MCTP1: variants seen among roughly 807,000 people sequenced by gnomAD.
The protein encoded by MCTP1 is multiple C2 and transmembrane domain containing 1.
MCTP1 carries 69 observed loss-of-function variants against 120.6 expected under a neutral mutation model. The observed-to-expected ratio is 0.57, with a 90% CI of 0.47 to 0.70. The LOEUF is 0.70. Among genes scored for constraint, MCTP1 ranks in the 30% least tolerant of loss-of-function variants. MCTP1 has a pLI of 0.00. For missense variants in MCTP1, 1,203 were observed against 1,248.8 expected, an observed-to-expected ratio of 0.96 and a Z score of 0.55; for synonymous variants, 529 against 493.1, an observed-to-expected ratio of 1.07 and a Z score of -0.96.
chr5:95,248,158 G>A (rs1757010472), intron 1 of MCTP1, among the ~76,000 whole-genome samples: 2 of 152,100 alleles, frequency 1.3e-5, no homozygotes, highest in Admixed American at 1.3e-4. Context: ...ACATAGTATT[G>A]GAAGTTCTGG....
At chr5:95,105,358 A>T (rs1757007796) in intron 1 of MCTP1, among the ~76,000 whole-genome samples, 2 of 151,952 alleles carry the variant, frequency 1.3e-5, no homozygotes, top group Non-Finnish European at 2.9e-5. Flanking sequence ...TTGTAAGGAG[A>T]CTCCAGAATA....
intron 19 of MCTP1, among the ~76,000 whole-genome samples, chr5:94,771,849 C>T (rs1774153310): frequency 6.6e-6 from 1 of 152,142 alleles, no homozygotes. Flanking sequence ...TCTTACCATT[C>T]CATAGGTCAG....
intron 1 of MCTP1, among the ~76,000 whole-genome samples, chr5:95,218,334 T>C (rs1159781314): frequency 6.6e-6 from 1 of 152,194 alleles, no homozygotes; most frequent in East Asian, 1.9e-4. Context: ...TTCAGGCCCA[T>C]AACAAGAGAA....
At chr5:94,886,362 G>C (rs2153378908) in intron 12 of MCTP1, among the ~76,000 whole-genome samples, 1 of 152,250 alleles carries the variant, frequency 6.6e-6, no homozygotes, top group African/African-American at 2.4e-5. Flanking sequence ...AAAGACTATA[G>C]AATCTTTCTT....
At position 95,166,495 on chromosome 5, in the gene MCTP1, CT is replaced by C. The variant is rs1436116221; in HGVS notation, c.720+117360del. Among the ~76,000 whole-genome samples, 5 of 151,950 alleles carry C rather than the reference CT, an allele frequency of 3.3e-5. No individual in the cohort carries two copies. The East Asian group carries it at 5.8e-4, about 18-fold the overall frequency. Reference sequence around the variant, plus strand: ...AAAAGCCACTCCATAATTCATATTACTTTTTTTCTACTTGAAATTGTGAATA... The same window carrying C: ...AAAAGCCACTCCATAATTCATATTACTTTTTTCTACTTGAAATTGTGAATA... On this transcript the variant is annotated intron_variant, in intron 1 of 22. Transcript: ENST00000515393.
At chr5:95,213,236 C>A (rs1305643150) in intron 1 of MCTP1, among the ~76,000 whole-genome samples, 2 of 152,056 alleles carry the variant, frequency 1.3e-5, no homozygotes, top group African/African-American at 4.8e-5. Context: ...AACAGAGAGC[C>A]AAATCATGAG....
intron 19 of MCTP1, among the ~76,000 whole-genome samples, chr5:94,741,550 C>T (rs1765538329): frequency 6.6e-6 from 1 of 152,172 alleles, no homozygotes; most frequent in African/African-American, 2.4e-5. Flanking sequence ...AGGAAACAGG[C>T]AAGCTCCAGG....
intron 19 of MCTP1, among the ~76,000 whole-genome samples, chr5:94,734,815 T>G (rs1763852295): frequency 6.6e-6 from 1 of 151,928 alleles, no homozygotes; most frequent in Admixed American, 6.6e-5. Context: ...ATTTCCATGC[T>G]TTTTTTTCTT....
intron 1 of MCTP1, among the ~76,000 whole-genome samples, chr5:95,076,532 A>T (rs1753617655): frequency 6.6e-6 from 1 of 151,910 alleles, no homozygotes; most frequent in South Asian, 2.1e-4. Flanking sequence ...TCCTTCATTG[A>T]CGAATGTTGA....
chr5:95,232,307 G>A (rs944982156), intron 1 of MCTP1, among the ~76,000 whole-genome samples: 5 of 151,670 alleles, frequency 3.3e-5, no homozygotes, highest in Non-Finnish European at 4.4e-5. Flanking sequence ...AAACAAATAG[G>A]ATAATGATGA....
At chr5:94,717,277 C>T (rs193220686) in intron 19 of MCTP1, among the ~76,000 whole-genome samples, 52 of 152,090 alleles carry the variant, frequency 3.4e-4, no homozygotes, top group Admixed American at 2.0e-3. Flanking sequence ...ACAAAAATCA[C>T]GATTATTTCA....
chr5:94,991,253 C>A (rs1230609107), intron 2 of MCTP1, among the ~76,000 whole-genome samples: 1 of 152,092 alleles, frequency 6.6e-6, no homozygotes, highest in East Asian at 1.9e-4. Context: ...CAATGATGTT[C>A]TATTTGAGAT....
chr5:94,959,724 G>A (rs1383076647), intron 2 of MCTP1, among the ~76,000 whole-genome samples: 1 of 152,000 alleles, frequency 6.6e-6, no homozygotes, highest in Non-Finnish European at 1.5e-5. Context: ...GATGTGAAGG[G>A]TGTCTTCAAA....
chr5:94,916,806 T>C (rs1319534922), intron 8 of MCTP1, among the ~76,000 whole-genome samples: 1 of 152,220 alleles, frequency 6.6e-6, no homozygotes, highest in Non-Finnish European at 1.5e-5. Flanking sequence ...TCAGAAACTC[T>C]GGGAGTGGAG....
intron 16 of MCTP1, among the ~76,000 whole-genome samples, chr5:94,869,886 TA>T (rs1329266317): frequency 1.3e-5 from 2 of 152,096 alleles, no homozygotes; most frequent in Non-Finnish European, 1.5e-5. Context: ...CTAAAAATAA[TA>T]AAAGTTTACT....
At chr5:95,223,436 G>A (rs574284805) in intron 1 of MCTP1, among the ~76,000 whole-genome samples, 76 of 152,190 alleles carry the variant, frequency 5.0e-4, no homozygotes, top group African/African-American at 1.7e-3. Flanking sequence ...GGGCATCAGA[G>A]TGAGATTCTG....
intron 17 of MCTP1, among the ~76,000 whole-genome samples, chr5:94,865,078 C>A (rs2153266691): frequency 6.6e-6 from 1 of 151,928 alleles, no homozygotes; most frequent in African/African-American, 2.4e-5. Context: ...GCATTGCACA[C>A]AAAATAAGCA....
intron 5 of MCTP1, among the ~76,000 whole-genome samples, chr5:94,933,249 C>T (rs1044740577): frequency 2.0e-5 from 3 of 151,566 alleles, no homozygotes; most frequent in Non-Finnish European, 4.4e-5. Flanking sequence ...TATAGAAATA[C>T]TTTATGTTTT....
intron 1 of MCTP1, among the ~76,000 whole-genome samples, chr5:95,266,625 T>G (rs1245056810): frequency 6.6e-6 from 1 of 152,260 alleles, no homozygotes; most frequent in Non-Finnish European, 1.5e-5. Context: ...TGATACCCTT[T>G]AGACTTGGGC....
Sources: gnomAD v4.1 joint callset for allele counts (sites outside exome capture counted in the v4.1 genomes callset) on GRCh38, gnomAD v4.1.1 for gene constraint, MANE v1.5 for transcripts, NCBI Gene and HGNC (gene_info 2026-07-23, HGNC 2026-07-21) for gene names.